Variants in CCDC191 observed in about 807,000 individuals in gnomAD.
CCDC191 encodes coiled-coil domain-containing protein 191.
CCDC191 carries 99 observed loss-of-function variants against 114.0 expected under a neutral mutation model. That is an observed-to-expected ratio of 0.87 (90% CI 0.74 to 1.03). The LOEUF (loss-of-function observed/expected upper bound fraction) is 1.03. Ranked by LOEUF, CCDC191 falls within the 50% of genes least tolerant of loss-of-function variation. The pLI, the probability that CCDC191 is intolerant of heterozygous loss-of-function variation, is 0.00. For synonymous variants in CCDC191, 351 were observed against 376.0 expected, an observed-to-expected ratio of 0.93 and a Z score of 0.77; for missense variants, 973 against 1,087.0, an observed-to-expected ratio of 0.90 and a Z score of 1.47.
At chr3:114,037,295 A>G (rs2107737900) in intron 4 of CCDC191, among the ~76,000 whole-genome samples, 1 of 151,942 alleles carries the variant, frequency 6.6e-6, no homozygotes, top group Admixed American at 6.6e-5. Context: ...TCTTCCTTTC[A>G]CTCCTCCCCT....
Position 114,042,843 on chromosome 3 carries a change from T to C in CCDC191, c.275A>G (p.Gln92Arg). The C allele has an allele frequency of 6.3e-7, 1 of 1,588,734 alleles. No individual in the cohort carries two copies. Among genetic ancestry groups the C allele is most frequent in the Non-Finnish European group, 8.5e-7 (1 of 1,172,346 alleles). Residue 92 changes from glutamine (Q) to arginine (R), a missense_variant, in exon 4 of 17, where the codon CAG (glutamine) becomes CGG (arginine). Coordinates refer to ENST00000295878, the MANE Select transcript of CCDC191 (RefSeq NM_020817.2). ...EDHDEIYAEAQELVNDWLDTK... is the reference protein window; with the variant it reads ...EDHDEIYAEARELVNDWLDTK... ...GTCTAACCAGTCATTGACCAGCTCC[T>C]GAGCTACAATAAAACAAAAACATGT...
rs756445980 is a variant in CCDC191 at position 114,046,773 on chromosome 3, A to G, written c.130-41T>C. 18 of 1,545,510 alleles carry G rather than the reference A, an allele frequency of 1.2e-5. No individual in the cohort carries two copies. In the South Asian group the frequency reaches 2.0e-4, roughly 17 times the overall value. On this transcript the variant is annotated intron_variant, in intron 2 of 16. Transcript: ENST00000295878. Reference sequence around the variant, plus strand: ...AAAAAAAATCCATAAAGATGACAACAAATTTGTTCAGTTAGAGAATTTCTC... The same window carrying G: ...AAAAAAAATCCATAAAGATGACAACGAATTTGTTCAGTTAGAGAATTTCTC...
rs763047841 is a variant in CCDC191, at chr3:114,005,537, C to T, written c.1839G>A (p.Glu613=). ...QSHLLSKPRE[E]EPRTCQMLVN... is the part of the protein sequence containing the mutation. Reference sequence around the variant, plus strand: ...CAAGCATCTGGCAGGTTCTTGGTTCCTCTTCTCTGGGCTTTGACAGCAGGT... The same window carrying T: ...CAAGCATCTGGCAGGTTCTTGGTTCTTCTTCTCTGGGCTTTGACAGCAGGT... Residue 613 remains glutamate (E), a synonymous_variant, in exon 10 of 17, where the codon GAG becomes GAA. Transcript: ENST00000295878. The T allele has an allele frequency of 3.7e-6, 6 of 1,611,644 alleles. No homozygotes were observed. The highest frequency in any genetic ancestry group is 8.5e-7 in the Non-Finnish European group (1 of 1,179,214).
At chr3:114,037,701 A>G (rs2076504714) in intron 4 of CCDC191, among the ~76,000 whole-genome samples, 1 of 152,148 alleles carries the variant, frequency 6.6e-6, no homozygotes, top group African/African-American at 2.4e-5. Flanking sequence ...TCAAAAATCC[A>G]TGATATCAAA....
chr3:114,044,908 T>G (rs2076608681), intron 3 of CCDC191, among the ~76,000 whole-genome samples: 1 of 151,994 alleles, frequency 6.6e-6, no homozygotes, highest in Non-Finnish European at 1.5e-5. Context: ...AGAACACTAC[T>G]TTTGTAGAAT....
chr3:113,972,754 A>G (rs1002450031), intron 16 of CCDC191, among the ~76,000 whole-genome samples: 8 of 152,102 alleles, frequency 5.3e-5, no homozygotes, highest in East Asian at 1.9e-4. Context: ...GAGTGCATAG[A>G]TATTTATAAT....
intron 8 of CCDC191, among the ~76,000 whole-genome samples, chr3:114,015,935 T>C (rs888090953): frequency 1.3e-5 from 2 of 152,138 alleles, no homozygotes; most frequent in African/African-American, 2.4e-5. Context: ...CAAGGAAAGA[T>C]GGTTGCTAAA....
intron 7 of CCDC191, among the ~76,000 whole-genome samples, chr3:114,020,690 T>G (rs966426925): frequency 1.1e-4 from 17 of 152,156 alleles, no homozygotes; most frequent in African/African-American, 3.9e-4. Flanking sequence ...TGTGCCATGG[T>G]TGAAAGAAAA....
chr3:113,982,106 G>GT (rs2075173943), intron 13 of CCDC191, among the ~76,000 whole-genome samples: 2 of 152,194 alleles, frequency 1.3e-5, no homozygotes, highest in African/African-American at 4.8e-5. Flanking sequence ...TCAGACAAAA[G>GT]AACTTGTTCC....
chr3:113,974,320 TTTTG>T (rs1307499852), intron 16 of CCDC191, among the ~76,000 whole-genome samples: 2 of 145,698 alleles, frequency 1.4e-5, no homozygotes, highest in Non-Finnish European at 3.0e-5. Flanking sequence ...ATTTGCTGTT[TTTTG>T]TTTTTTTTTT....
rs767065876 is a variant in CCDC191, at chr3:114,056,492, G to C, written c.-26C>G. 24 of 1,613,724 alleles carry C rather than the reference G, an allele frequency of 1.5e-5. No homozygotes were observed. Among genetic ancestry groups the C allele is most frequent in the Non-Finnish European group, 1.9e-5 (22 of 1,180,024 alleles). On this transcript the variant is annotated 5_prime_UTR_variant, in exon 1 of 17. Transcript: ENST00000295878. ...TTTCCAAGTTCGAGCCCGAACCTCG[G>C]CCAAAGCTGCAGCAACCGCCCTTCT...
chr3:114,048,852 G>A (rs2076664589), intron 2 of CCDC191, among the ~76,000 whole-genome samples: 2 of 152,174 alleles, frequency 1.3e-5, no homozygotes. Flanking sequence ...ACAGTGCTTG[G>A]CACTCAACAG....
At position 114,002,446 on chromosome 3, in the gene CCDC191, A is replaced by C. The variant is rs754620997; in HGVS notation, c.2061+10T>G. ...CTTTTTTGACTCAGTTTGCATTTTG[A>C]ATCTATTACCAATTTTTCTTCTTCT... On this transcript the variant is annotated intron_variant, in intron 12 of 16. Transcript: ENST00000295878. 6.3e-6 allele frequency: 10 copies of C among 1,587,646 alleles called. No individual in the cohort carries two copies. The highest frequency in any genetic ancestry group is 8.6e-6 in the Non-Finnish European group (10 of 1,163,570).
At chr3:114,037,427 C>A (rs1447231530) in intron 4 of CCDC191, among the ~76,000 whole-genome samples, 2 of 152,170 alleles carry the variant, frequency 1.3e-5, no homozygotes, top group African/African-American at 4.8e-5. Flanking sequence ...TCTGACCTAG[C>A]TTCTTTCACT....
intron 2 of CCDC191, among the ~76,000 whole-genome samples, chr3:114,051,030 A>G (rs1305153728): frequency 3.3e-5 from 5 of 152,156 alleles, no homozygotes; most frequent in African/African-American, 1.2e-4. Context: ...CCAACATCTC[A>G]GCCTTGAGGT....
At chr3:114,038,141 A>T (rs1434460247) in intron 4 of CCDC191, among the ~76,000 whole-genome samples, 1 of 152,194 alleles carries the variant, frequency 6.6e-6, no homozygotes, top group African/African-American at 2.4e-5. Context: ...TTTCAAATTT[A>T]AGCCATTTTA....
At chr3:113,992,944 A>AG (rs2075616143) in intron 13 of CCDC191, among the ~76,000 whole-genome samples, 1 of 152,228 alleles carries the variant, frequency 6.6e-6, no homozygotes, top group South Asian at 2.1e-4. Flanking sequence ...GCACATTCAA[A>AG]GGATAATACA....
rs151103873 is a variant in CCDC191 at position 114,045,114 on chromosome 3, C to A, written c.271+1477G>T. Among the ~76,000 whole-genome samples the A allele has an allele frequency of 2.1e-3, 325 of 152,208 alleles. 4 individuals carry two copies. The Middle Eastern group carries it at 0.058, about 27-fold the overall frequency. ...TGGGAAATGAGGCAAGTAAACATTTCTTTTCAACTGCAGGACTTCTCAAAA... is the reference window on the plus strand; with the variant it reads ...TGGGAAATGAGGCAAGTAAACATTTATTTTCAACTGCAGGACTTCTCAAAA... On this transcript the variant is annotated intron_variant, in intron 3 of 16. Coordinates refer to ENST00000295878, the MANE Select transcript of CCDC191 (RefSeq NM_020817.2).
At chr3:113,987,085 G>C (rs533749546) in intron 13 of CCDC191, among the ~76,000 whole-genome samples, 11 of 150,090 alleles carry the variant, frequency 7.3e-5, no homozygotes, top group Non-Finnish European at 1.5e-4. Context: ...TGAGAAACCA[G>C]GCAAGCAAGA....
Sources: gnomAD v4.1 joint callset for allele counts (sites outside exome capture counted in the v4.1 genomes callset) on GRCh38, gnomAD v4.1.1 for gene constraint, MANE v1.5 for transcripts, NCBI Gene and HGNC (gene_info 2026-07-23, HGNC 2026-07-21) for gene names.